GRID2: variants seen among roughly 807,000 people sequenced by gnomAD.
The protein encoded by GRID2 is glutamate ionotropic receptor delta type subunit 2.
A neutral mutation model predicts 114.8 loss-of-function variants in GRID2; 33 were observed. The observed-to-expected ratio is 0.29, with a 90% CI of 0.22 to 0.38. The LOEUF (loss-of-function observed/expected upper bound fraction) is 0.38, where lower values mean the gene tolerates loss of function less well. Ranked by LOEUF, GRID2 falls within the 10% of genes least tolerant of loss-of-function variation. The pLI is 1.00. For missense variants in GRID2, 1,184 were observed against 1,257.7 expected, an observed-to-expected ratio of 0.94 and a Z score of 0.89; for synonymous variants, 505 against 449.9, an observed-to-expected ratio of 1.12 and a Z score of -1.55.
At chr4:93,030,421 A>G (rs1724298617) in intron 2 of GRID2, among the ~76,000 whole-genome samples, 1 of 145,194 alleles carries the variant, frequency 6.9e-6, no homozygotes, top group Admixed American at 7.0e-5. Flanking sequence ...GTCTCACTCT[A>G]GTGCTCAGGC....
chr4:92,791,508 G>A lies in GRID2; in HGVS notation c.244+201222G>A, dbSNP rs556669675. Among the ~76,000 whole-genome samples, 201 of 151,852 alleles carry A rather than the reference G, an allele frequency of 1.3e-3. 1 individual carries two copies. The highest frequency in any genetic ancestry group is 4.5e-3 in the African/African-American group (186 of 41,464). On this transcript the variant is annotated intron_variant, in intron 2 of 15. Transcript: ENST00000282020. ...AATTTCACATGCTATCAAATTATAT[G>A]CTTTAAATAAAGAATTATACAGTGC...
intron 2 of GRID2, among the ~76,000 whole-genome samples, chr4:92,821,340 G>T (rs975039722): frequency 1.2e-4 from 18 of 152,248 alleles, no homozygotes; most frequent in African/African-American, 4.3e-4. Context: ...GAACAAAATG[G>T]TTGACAACCT....
intron 1 of GRID2, among the ~76,000 whole-genome samples, chr4:93,804,745 G>A (rs1734998407): frequency 6.6e-6 from 1 of 152,090 alleles, no homozygotes; most frequent in Non-Finnish European, 1.5e-5. Flanking sequence ...AAGTCACAGG[G>A]CCCCTCAAGT....
chr4:92,583,246 A>G (rs1398655005), intron 1 of GRID2, among the ~76,000 whole-genome samples: 1 of 152,086 alleles, frequency 6.6e-6, no homozygotes, highest in African/African-American at 2.4e-5. Context: ...TACAGTTCCT[A>G]GTACTAAAAA....
At chr4:93,068,368 G>A (rs1344487801) in intron 2 of GRID2, among the ~76,000 whole-genome samples, 1 of 151,974 alleles carries the variant, frequency 6.6e-6, no homozygotes, top group Non-Finnish European at 1.5e-5. Flanking sequence ...CCTCATTTGT[G>A]GGGGTGAAAG....
chr4:92,569,921 C>A (rs1457308287), intron 1 of GRID2, among the ~76,000 whole-genome samples: 1 of 152,052 alleles, frequency 6.6e-6, no homozygotes, highest in East Asian at 1.9e-4. Flanking sequence ...TATTTTTACT[C>A]TGTTGATACT....
chr4:93,584,267 A>G (rs1737316604), intron 13 of GRID2, among the ~76,000 whole-genome samples: 1 of 152,194 alleles, frequency 6.6e-6, no homozygotes, highest in Admixed American at 6.5e-5. Context: ...CAAACAAACT[A>G]GAAAGCAATA....
intron 2 of GRID2, among the ~76,000 whole-genome samples, chr4:92,684,466 T>C (rs1733805750): frequency 6.6e-6 from 1 of 152,040 alleles, no homozygotes; most frequent in South Asian, 2.1e-4. Flanking sequence ...ACATTCTCTT[T>C]CTCCTCTGCC....
At chr4:93,547,047 A>AGACAGGCTGCT in intron 13 of GRID2, among the ~76,000 whole-genome samples, 1 of 152,300 alleles carries the variant, frequency 6.6e-6, no homozygotes, top group Middle Eastern at 3.4e-3. Context: ...GCTTTGCCAT[A>AGACAGGCTGCT]GCACACAGCC....
intron 1 of GRID2, among the ~76,000 whole-genome samples, chr4:92,407,451 A>T (rs1731086011): frequency 6.6e-6 from 1 of 152,166 alleles, no homozygotes; most frequent in African/African-American, 2.4e-5. Context: ...TATACCTAGT[A>T]GTGGGATTGC....
At chr4:93,756,104 A>G (rs1373402965) in intron 14 of GRID2, among the ~76,000 whole-genome samples, 7 of 152,232 alleles carry the variant, frequency 4.6e-5, no homozygotes, top group African/African-American at 1.7e-4. Context: ...AAAGAAGGAT[A>G]TAACATTTAT....
At chr4:92,757,388 C>T (rs1288040851) in intron 2 of GRID2, among the ~76,000 whole-genome samples, 1 of 152,036 alleles carries the variant, frequency 6.6e-6, no homozygotes, top group African/African-American at 2.4e-5. Flanking sequence ...TGGAAATAGA[C>T]ACCTTGATGG....
At chr4:93,010,224 T>C (rs549675995) in intron 2 of GRID2, among the ~76,000 whole-genome samples, 1 of 152,228 alleles carries the variant, frequency 6.6e-6, no homozygotes, top group South Asian at 2.1e-4. Flanking sequence ...GATAGATGAT[T>C]ATATGATACA....
intron 9 of GRID2, among the ~76,000 whole-genome samples, chr4:93,398,133 GTA>G (rs1553923238): frequency 7.3e-4 from 89 of 122,044 alleles, no homozygotes; most frequent in Non-Finnish European, 7.8e-4. Flanking sequence ...ATGTGTGTGT[GTA>G]TATATATATA....
At chr4:92,637,967 A>G (rs1579736496) in intron 2 of GRID2, among the ~76,000 whole-genome samples, 1 of 151,956 alleles carries the variant, frequency 6.6e-6, no homozygotes, top group East Asian at 1.9e-4. Context: ...GCAATTTAGG[A>G]AACTCAAAAT....
At chr4:92,592,239 T>C (rs1728740095) in intron 2 of GRID2, among the ~76,000 whole-genome samples, 1 of 152,078 alleles carries the variant, frequency 6.6e-6, no homozygotes, top group Non-Finnish European at 1.5e-5. Context: ...CTGATTTCTT[T>C]CTTTATCTTC....
At chr4:93,665,776 C>T (rs1723897710) in intron 14 of GRID2, among the ~76,000 whole-genome samples, 1 of 152,050 alleles carries the variant, frequency 6.6e-6, no homozygotes, top group African/African-American at 2.4e-5. Context: ...TACCTAACAC[C>T]CTTTGTTTGT....
chr4:93,277,643 C>T (rs1256641487), intron 8 of GRID2, among the ~76,000 whole-genome samples: 1 of 151,830 alleles, frequency 6.6e-6, no homozygotes, highest in Non-Finnish European at 1.5e-5. Context: ...ACACATTGAA[C>T]ATATTAGCTA....
chr4:93,499,007 A>G (rs1208357117), intron 12 of GRID2, among the ~76,000 whole-genome samples: 1 of 151,824 alleles, frequency 6.6e-6, no homozygotes, highest in Admixed American at 6.6e-5. Flanking sequence ...GATTTTGACA[A>G]ATGATTTCAT....
Sources: gnomAD v4.1 joint callset for allele counts (sites outside exome capture counted in the v4.1 genomes callset) on GRCh38, gnomAD v4.1.1 for gene constraint, MANE v1.5 for transcripts, NCBI Gene and HGNC (gene_info 2026-07-23, HGNC 2026-07-21) for gene names.